The following ZNF790 variants were observed in gnomAD, a reference collection of about 807,000 sequenced individuals.
ZNF790 encodes the protein zinc finger protein 790.
Under a neutral mutation model 12.1 loss-of-function variants are expected in ZNF790, and 8 were observed. The ratio of observed to expected loss-of-function variants is 0.66; its 90% CI spans 0.39 to 1.19. ZNF790 has a LOEUF of 1.19. Among genes scored for constraint, ZNF790 ranks in the 50% most tolerant of loss-of-function variants. The pLI is 0.01. For missense variants in ZNF790, 707 were observed against 752.2 expected (o/e 0.94, Z 0.70); for synonymous variants, 252 against 244.3 (o/e 1.03, Z -0.29).
chr19:36,848,111 GAAATAGC>G (rs2072196679), intron 1 of ZNF790, among the ~76,000 whole-genome samples: 1 of 152,234 alleles, frequency 6.6e-6, no homozygotes. Context: ...TTCAGTTCCT[GAAATAGC>G]ACCAGAGTAA....
chr19:36,822,711 T>C (rs1028117474), intron 4 of ZNF790, among the ~76,000 whole-genome samples: 1 of 151,954 alleles, frequency 6.6e-6, no homozygotes, highest in Non-Finnish European at 1.5e-5. Flanking sequence ...GGCTAGTTTT[T>C]GTATTTTTAG....
intron 1 of ZNF790, among the ~76,000 whole-genome samples, chr19:36,836,630 A>C (rs1336429850): frequency 6.6e-6 from 1 of 151,932 alleles, no homozygotes; most frequent in Non-Finnish European, 1.5e-5. Context: ...GGTGGCACGC[A>C]CCTGTAGTCC....
chr19:36,818,331 T>C lies in ZNF790; in HGVS notation c.*102A>G. 1 of 1,200,868 alleles carries C rather than the reference T, an allele frequency of 8.3e-7. No homozygotes were observed. Among genetic ancestry groups the C allele is most frequent in the East Asian group, 2.5e-5 (1 of 40,440 alleles). 74.4% of individuals were successfully genotyped at this position (1,200,868 alleles called of 1,614,324 possible). A position where few individuals can be genotyped will look rare whatever the true frequency, so the allele number is the denominator to read the frequency against. On this transcript the variant is annotated 3_prime_UTR_variant, in exon 5 of 5. Transcript: ENST00000356725. ...GGATGTGTGCTCTGTTAAAATGCCT[T>C]CCAATATTACTTACATTTGTGGTGT... is the stretch of plus-strand genomic sequence containing the variant.
intron 1 of ZNF790, among the ~76,000 whole-genome samples, chr19:36,827,135 CACACACATATATATAT>C (rs1369043725): frequency 5.5e-5 from 4 of 72,926 alleles, no homozygotes; most frequent in South Asian, 5.2e-4. Flanking sequence ...CACACACACA[CACACACATATATATAT>C]ATATATATAT....
chr19:36,847,298 C>T (rs1384129545), intron 1 of ZNF790, among the ~76,000 whole-genome samples: 3 of 151,778 alleles, frequency 2.0e-5, no homozygotes, highest in Non-Finnish European at 2.9e-5. Context: ...TTGCAGTGAG[C>T]CGAGATTGCG....
At chr19:36,829,755 C>A (rs1304173781) in intron 1 of ZNF790, among the ~76,000 whole-genome samples, 2 of 151,998 alleles carry the variant, frequency 1.3e-5, no homozygotes, top group African/African-American at 4.8e-5. Context: ...TTAGTAGAGA[C>A]GGGGTTTCTT....
At chr19:36,841,952 G>T (rs967910109), upstream of ZNF790, among the ~76,000 whole-genome samples, 1 of 151,820 alleles carries the variant, frequency 6.6e-6, no homozygotes, top group Non-Finnish European at 1.5e-5. Context: ...GGCCTGAAGC[G>T]CCCCTCCCGC....
chr19:36,834,241 C>G (rs1231908872), intron 1 of ZNF790, among the ~76,000 whole-genome samples: 1 of 100,106 alleles, frequency 1.0e-5, no homozygotes, highest in Non-Finnish European at 1.8e-5. Context: ...GAAACTCCAT[C>G]TCAAAAAAAA....
At chr19:36,831,557 C>G (rs955172520) in intron 1 of ZNF790, among the ~76,000 whole-genome samples, 1 of 152,270 alleles carries the variant, frequency 6.6e-6, no homozygotes. Context: ...ACCCCCATCT[C>G]TAGGCGCATA....
chr19:36,827,074 G>A (rs140865116), intron 1 of ZNF790, among the ~76,000 whole-genome samples: 1 of 136,600 alleles, frequency 7.3e-6, no homozygotes, highest in East Asian at 2.0e-4. Flanking sequence ...TGTGTTGTGT[G>A]TGTATGTGTG....
At chr19:36,821,918 C>T (rs1025415106) in intron 4 of ZNF790, among the ~76,000 whole-genome samples, 1 of 151,142 alleles carries the variant, frequency 6.6e-6, no homozygotes, top group East Asian at 1.9e-4. Flanking sequence ...GTGTTCTTCT[C>T]GTTGTACTTC....
chr19:36,821,448 G>A (rs1568334778), intron 4 of ZNF790, among the ~76,000 whole-genome samples: 1 of 152,056 alleles, frequency 6.6e-6, no homozygotes, highest in East Asian at 1.9e-4. Context: ...CAAGGATTGG[G>A]AATAATACGC....
intron 1 of ZNF790, among the ~76,000 whole-genome samples, chr19:36,847,633 C>T (rs2072192533): frequency 6.6e-6 from 1 of 151,786 alleles, no homozygotes; most frequent in Admixed American, 6.6e-5. Context: ...GCCTGTAATC[C>T]CAGCTACTTG....
In ZNF790 at chr19:36,821,573, T is replaced by TTTTATTTA. The variant is rs535632117; in HGVS notation, c.230-1467_230-1460dup. On this transcript the variant is annotated intron_variant, in intron 4 of 4. Coordinates refer to ENST00000356725, the MANE Select transcript of ZNF790 (RefSeq NM_206894.4). Reference sequence around the variant, plus strand: ...GAACTAGACAAGTCAGAGTTTGTCTTTTTATTTATTTATTTATTTATTTAT... The same window carrying TTTTATTTA: ...GAACTAGACAAGTCAGAGTTTGTCTTTTTATTTATTTATTTATTTATTTATTTATTTAT... Among the ~76,000 whole-genome samples, 767 of 151,860 alleles carry TTTTATTTA rather than the reference T, an allele frequency of 5.1e-3. 20 individuals carry two copies. The highest frequency in any genetic ancestry group is 0.037 in the Admixed American group (565 of 15,218).
At chr19:36,836,500 T>A (rs1296111228) in intron 1 of ZNF790, among the ~76,000 whole-genome samples, 1 of 151,182 alleles carries the variant, frequency 6.6e-6, no homozygotes. Context: ...GGCTCACGCC[T>A]GTAATCCCAG....
intron 1 of ZNF790, among the ~76,000 whole-genome samples, chr19:36,849,504 A>G (rs1217208504): frequency 6.6e-6 from 1 of 151,978 alleles, no homozygotes; most frequent in Non-Finnish European, 1.5e-5. Context: ...ATCTATTATG[A>G]CGGGTTTCTT....
intron 2 of ZNF790, 35 bp downstream of exon 2, chr19:36,825,576 G>T: frequency 6.2e-7 from 1 of 1,602,770 alleles, no homozygotes; most frequent in Non-Finnish European, 8.5e-7. Context: ...GATATAAATG[G>T]GTTATATTTT....
intron 1 of ZNF790, among the ~76,000 whole-genome samples, chr19:36,846,757 G>A (rs1310070116): frequency 2.0e-5 from 3 of 152,096 alleles, no homozygotes; most frequent in African/African-American, 7.2e-5. Flanking sequence ...TTTGGCACTC[G>A]TTCATCAAGA....
rs997701837 is a variant in ZNF790, at chr19:36,838,113, CACACACACACACACAT to C, written c.-74+208_-74+223del. On this transcript the variant is annotated intron_variant, in intron 1 of 4. Transcript: ENST00000356725. The surrounding 1 kb of genome is among the most constrained non-coding windows in gnomAD (Gnocchi z 4.4). ...CGTCGTGTGCGCGTGCGCGCACACA[CACACACACACACACAT>C]ACACACACACACACACAAGCTCCCG... is the stretch of plus-strand genomic sequence containing the variant. The C allele has an allele frequency of 0.026, 2,106 of 80,616 alleles. 29 individuals carry two copies. Among genetic ancestry groups the C allele is most frequent in the Non-Finnish European group, 0.036 (1,443 of 40,048 alleles). The allele number at this position is 80,616 out of a possible 1,614,324, so 5.0% of individuals were successfully genotyped here. A position where few individuals can be genotyped will look rare whatever the true frequency, so the allele number is the denominator to read the frequency against.
Sources: gnomAD v4.1 joint callset for allele counts (sites outside exome capture counted in the v4.1 genomes callset) on GRCh38, gnomAD v4.1.1 for gene constraint, Gnocchi (gnomAD v3.1) non-coding constraint, MANE v1.5 for transcripts, NCBI Gene and HGNC (gene_info 2026-07-23, HGNC 2026-07-21) for gene names.